Variants in ROBO1 observed in about 807,000 individuals in gnomAD.
ROBO1 encodes the protein roundabout guidance receptor 1, also known as roundabout homolog 1.
A neutral mutation model predicts 195.9 loss-of-function variants in ROBO1; 149 were observed. The observed-to-expected ratio is 0.76, with a 90% CI of 0.67 to 0.87. The LOEUF is 0.87. Among genes scored for constraint, ROBO1 ranks in the 40% least tolerant of loss-of-function variants. The pLI, the probability that ROBO1 is intolerant of heterozygous loss-of-function variation, is 0.00. For missense variants in ROBO1, 1,933 were observed against 2,068.3 expected (o/e 0.93, Z 1.27); for synonymous variants, 816 against 733.2 (o/e 1.11, Z -1.82).
At chr3:79,533,929 G>A (rs1471099809) in intron 2 of ROBO1, among the ~76,000 whole-genome samples, 1 of 151,962 alleles carries the variant, frequency 6.6e-6, no homozygotes, top group East Asian at 1.9e-4. Context: ...TAATGTAGCA[G>A]ATGAAATTAA....
chr3:79,519,673 TAAG>T, intron 2 of ROBO1, among the ~76,000 whole-genome samples: 1 of 148,468 alleles, frequency 6.7e-6, no homozygotes, highest in South Asian at 2.2e-4. Flanking sequence ...AAATGTATGC[TAAG>T]TATAATATAA....
intron 1 of ROBO1, among the ~76,000 whole-genome samples, chr3:79,678,146 AG>A (rs1946840416): frequency 6.6e-6 from 1 of 152,234 alleles, no homozygotes; most frequent in African/African-American, 2.4e-5. Flanking sequence ...TGGCTGTATC[AG>A]TTACTGGTCA....
intron 2 of ROBO1, among the ~76,000 whole-genome samples, chr3:79,352,918 CTG>C (rs1278239547): frequency 6.6e-6 from 1 of 152,074 alleles, no homozygotes; most frequent in Non-Finnish European, 1.5e-5. Context: ...CAGAATATAA[CTG>C]TTGCACATAT....
intron 1 of ROBO1, among the ~76,000 whole-genome samples, chr3:79,713,388 A>T (rs1365469613): frequency 9.2e-5 from 14 of 152,116 alleles, no homozygotes; most frequent in Admixed American, 7.9e-4. Flanking sequence ...TTCACAATTT[A>T]GGATGCCATT....
At chr3:79,435,598 TAG>T (rs1227828467) in intron 2 of ROBO1, among the ~76,000 whole-genome samples, 1 of 152,180 alleles carries the variant, frequency 6.6e-6, no homozygotes, top group Non-Finnish European at 1.5e-5. Flanking sequence ...CACATGATTC[TAG>T]ACACAAACAA....
Position 78,688,787 on chromosome 3 carries a change from A to T in ROBO1, c.1046-15T>A. 1 of 1,601,106 alleles carries T rather than the reference A, an allele frequency of 6.2e-7. No homozygotes were observed. ...ATGTGGAGGTTCTGAAGGAGGTGAAACAAATTACACCGAATTAAAAGCACG... is the reference window on the plus strand; with the variant it reads ...ATGTGGAGGTTCTGAAGGAGGTGAATCAAATTACACCGAATTAAAAGCACG... On this transcript the variant is annotated splice_polypyrimidine_tract_variant and intron_variant, in intron 8 of 30. Coordinates refer to ENST00000464233, the MANE Select transcript of ROBO1 (RefSeq NM_002941.4).
chr3:79,094,312 A>G (rs1001176281), intron 3 of ROBO1, among the ~76,000 whole-genome samples: 1 of 152,142 alleles, frequency 6.6e-6, no homozygotes, highest in African/African-American at 2.4e-5. Flanking sequence ...AAGATAGAAG[A>G]ATGTCTAATG....
chr3:79,248,988 G>A (rs75526632), intron 2 of ROBO1, among the ~76,000 whole-genome samples: 4,305 of 152,270 alleles, frequency 0.028, 182 homozygotes, highest in African/African-American at 0.097. Flanking sequence ...ATAAGACACT[G>A]TAGTAGAGAG....
intron 2 of ROBO1, among the ~76,000 whole-genome samples, chr3:79,155,327 T>C (rs142081379): frequency 4.9e-4 from 74 of 151,884 alleles, no homozygotes; most frequent in African/African-American, 1.7e-3. Context: ...GGAAGTAAAG[T>C]AATTGTCCTT....
intron 3 of ROBO1, among the ~76,000 whole-genome samples, chr3:79,020,878 C>T (rs1395917975): frequency 1.3e-5 from 2 of 152,076 alleles, no homozygotes; most frequent in East Asian, 1.9e-4. Context: ...CAGAACTGCG[C>T]AATGGATAGG....
intron 3 of ROBO1, among the ~76,000 whole-genome samples, chr3:78,977,171 C>T (rs2076901494): frequency 6.6e-6 from 1 of 152,104 alleles, no homozygotes; most frequent in South Asian, 2.1e-4. Context: ...AACCACTTAC[C>T]TTGTCAGTTA....
chr3:78,984,642 C>A (rs1251139552), intron 3 of ROBO1, among the ~76,000 whole-genome samples: 1 of 152,134 alleles, frequency 6.6e-6, no homozygotes. Flanking sequence ...TCCTCCTCTA[C>A]CCCAGAAAGG....
At chr3:78,653,102 G>A (rs547817362) in intron 18 of ROBO1, among the ~76,000 whole-genome samples, 22 of 152,122 alleles carry the variant, frequency 1.4e-4, no homozygotes, top group Admixed American at 4.6e-4. Flanking sequence ...ACATATTGTC[G>A]TCATGAGTTC....
chr3:79,599,726 A>G (rs1207323177), intron 1 of ROBO1, among the ~76,000 whole-genome samples: 1 of 151,986 alleles, frequency 6.6e-6, no homozygotes, highest in African/African-American at 2.4e-5. Context: ...AGACAGAAAA[A>G]CGGGGATATT....
chr3:78,904,014 G>A (rs1017526263), intron 4 of ROBO1, among the ~76,000 whole-genome samples: 1 of 151,858 alleles, frequency 6.6e-6, no homozygotes, highest in African/African-American at 2.4e-5. Flanking sequence ...ATAACAGAGT[G>A]GCTCTTTATG....
At chr3:79,154,492 G>A (rs1430453651) in intron 2 of ROBO1, among the ~76,000 whole-genome samples, 1 of 151,686 alleles carries the variant, frequency 6.6e-6, no homozygotes, top group African/African-American at 2.4e-5. Flanking sequence ...ATAGTCACTT[G>A]AGACTGATCA....
At chr3:79,618,428 G>A (rs535530629) in intron 1 of ROBO1, among the ~76,000 whole-genome samples, 38 of 152,240 alleles carry the variant, frequency 2.5e-4, no homozygotes, top group African/African-American at 8.7e-4. Context: ...TTCCACCATT[G>A]TGATTTGTCC....
At chr3:78,981,398 A>G (rs2076987152) in intron 3 of ROBO1, among the ~76,000 whole-genome samples, 2 of 152,062 alleles carry the variant, frequency 1.3e-5, no homozygotes, top group African/African-American at 4.8e-5. Context: ...ACTACACAAA[A>G]CTCAGGAAGC....
chr3:78,711,672 A>G (rs945517141), intron 8 of ROBO1, among the ~76,000 whole-genome samples: 5 of 149,776 alleles, frequency 3.3e-5, no homozygotes, highest in African/African-American at 1.2e-4. Flanking sequence ...TATTTTTGGT[A>G]GAAATGGGGT....
Sources: gnomAD v4.1 joint callset for allele counts (sites outside exome capture counted in the v4.1 genomes callset) on GRCh38, gnomAD v4.1.1 for gene constraint, MANE v1.5 for transcripts, NCBI Gene and HGNC (gene_info 2026-07-23, HGNC 2026-07-21) for gene names.